Variants in TBC1D22A observed in about 807,000 individuals in gnomAD.
TBC1D22A encodes TBC1 domain family member 22A, also known as putative GTPase activator.
Under a neutral mutation model 60.2 loss-of-function variants are expected in TBC1D22A, and 38 were observed. The ratio of observed to expected loss-of-function variants is 0.63; its 90% CI spans 0.49 to 0.83. TBC1D22A has a LOEUF of 0.83. Ranked by LOEUF, TBC1D22A falls within the 40% of genes least tolerant of loss-of-function variation. TBC1D22A has a pLI of 0.00. For missense variants in TBC1D22A, 628 were observed against 701.0 expected (o/e 0.90, Z 1.18); for synonymous variants, 302 against 281.7 (o/e 1.07, Z -0.72).
intron 12 of TBC1D22A, among the ~76,000 whole-genome samples, chr22:47,167,715 G>GA (rs1283443753): frequency 3.3e-5 from 5 of 152,196 alleles, no homozygotes; most frequent in African/African-American, 7.2e-5. Context: ...TTGAATGGGG[G>GA]AGTGCATGCT....
At chr22:46,920,609 C>T (rs561955773) in intron 8 of TBC1D22A, among the ~76,000 whole-genome samples, 87 of 152,044 alleles carry the variant, frequency 5.7e-4, no homozygotes, top group Non-Finnish European at 1.0e-3. Context: ...GTGTCGCATG[C>T]GTGTGTCATG....
chr22:46,820,782 C>T (rs2085792484), intron 4 of TBC1D22A, among the ~76,000 whole-genome samples: 1 of 152,188 alleles, frequency 6.6e-6, no homozygotes. Context: ...CCTGAATGTC[C>T]TTGTTAATTT....
At chr22:47,159,321 A>T (rs1240957252) in intron 12 of TBC1D22A, among the ~76,000 whole-genome samples, 1 of 79,638 alleles carries the variant, frequency 1.3e-5, no homozygotes, top group Non-Finnish European at 2.6e-5. Flanking sequence ...ATACATACAC[A>T]CACATGTATA....
At chr22:46,993,754 C>G (rs1040416288) in intron 9 of TBC1D22A, among the ~76,000 whole-genome samples, 2 of 152,298 alleles carry the variant, frequency 1.3e-5, no homozygotes, top group East Asian at 1.9e-4. Flanking sequence ...ATGGGACATT[C>G]TTTTCTCCCT....
intron 3 of TBC1D22A, among the ~76,000 whole-genome samples, chr22:46,796,596 T>C (rs971209011): frequency 1.5e-4 from 23 of 152,074 alleles, no homozygotes; most frequent in Non-Finnish European, 3.2e-4. Flanking sequence ...CAGTGTTGAG[T>C]GATCTGAGGG....
intron 10 of TBC1D22A, among the ~76,000 whole-genome samples, chr22:47,030,721 A>G (rs988658139): frequency 2.6e-5 from 4 of 152,262 alleles, no homozygotes; most frequent in Admixed American, 1.3e-4. Context: ...ATTATTGCCA[A>G]CCAAATTACC....
intron 4 of TBC1D22A, among the ~76,000 whole-genome samples, chr22:46,875,753 G>A (rs2067529707): frequency 6.6e-6 from 1 of 152,084 alleles, no homozygotes; most frequent in Non-Finnish European, 1.5e-5. Context: ...ACCTGGCCTA[G>A]CAATATGCTT....
At chr22:46,956,476 CA>C (rs1329920444) in intron 8 of TBC1D22A, among the ~76,000 whole-genome samples, 2 of 152,166 alleles carry the variant, frequency 1.3e-5, no homozygotes, top group African/African-American at 2.4e-5. Flanking sequence ...AAATTACTTA[CA>C]AGTATCATGT....
chr22:47,056,867 C>T (rs1011409725), intron 11 of TBC1D22A, among the ~76,000 whole-genome samples: 13 of 152,304 alleles, frequency 8.5e-5, no homozygotes, highest in African/African-American at 3.1e-4. Context: ...GCTGCAGGGA[C>T]AGACACAGAA....
chr22:46,912,160 C>A lies in TBC1D22A; in HGVS notation c.987C>A (p.Phe329Leu), dbSNP rs759803136. 6.2e-7 allele frequency: 1 copy of A among 1,613,680 alleles called. No individual in the cohort carries two copies. Among genetic ancestry groups the A allele is most frequent in the Non-Finnish European group, 8.5e-7 (1 of 1,179,846 alleles). ...GTATAAATGATCTCGTCACTCCTTTCTTTGTGGTCTTCATTTGTGAATACA... is the reference window on the plus strand; with the variant it reads ...GTATAAATGATCTCGTCACTCCTTTATTTGTGGTCTTCATTTGTGAATACA... ...VQGINDLVTP[F>L]FVVFICEYIE... Residue 329 changes from phenylalanine to leucine, a missense_variant, in exon 8 of 13, where the codon TTC (phenylalanine) becomes TTA (leucine). Phe to Leu is a conservative substitution (Grantham distance 22, BLOSUM62 0). Coordinates refer to ENST00000337137, the MANE Select transcript of TBC1D22A (RefSeq NM_014346.5).
rs142211618 is a variant in TBC1D22A at position 46,891,290 on chromosome 22, C to T, written c.733C>T (p.Arg245Trp). The change falls in exon 6 of 13, where the codon CGG becomes TGG. Residue 245 changes from arginine (R) to tryptophan (W), a missense_variant. Coordinates refer to ENST00000337137, the MANE Select transcript of TBC1D22A (RefSeq NM_014346.5). ...GGGTTACCTTCCCGCCAATGTAGACCGGAGACCAGCCACTCTCCAGAGAAA... is the reference window on the plus strand; with the variant it reads ...GGGTTACCTTCCCGCCAATGTAGACTGGAGACCAGCCACTCTCCAGAGAAA... Reference protein sequence around the residue: ...LSGYLPANVDRRPATLQRKQK... With the variant: ...LSGYLPANVDWRPATLQRKQK... The T allele has an allele frequency of 6.0e-5, 97 of 1,611,502 alleles. No individual in the cohort carries two copies. In the East Asian group the frequency reaches 1.0e-3, roughly 17 times the overall value.
intron 1 of TBC1D22A, chr22:46,788,832 A>T (rs563104814): frequency 1.1e-4 from 17 of 152,276 alleles, no homozygotes; most frequent in African/African-American, 4.1e-4. Context: ...AGTCATAACA[A>T]ACCCTTCAAG....
In TBC1D22A at chr22:47,146,698, C is replaced by T. The variant is rs573478945; in HGVS notation, c.1426-26800C>T. On this transcript the variant is annotated intron_variant, in intron 12 of 12. Transcript: ENST00000337137. ...TCTTCCTGATATGTGGTCCATGACTCGGTGGCCCTTTCTTGATGGGGCGGT... is the reference window on the plus strand; with the variant it reads ...TCTTCCTGATATGTGGTCCATGACTTGGTGGCCCTTTCTTGATGGGGCGGT... Among the ~76,000 whole-genome samples, 5 of 152,312 alleles carry T rather than the reference C, an allele frequency of 3.3e-5. 1 individual carries two copies. In the South Asian group the frequency reaches 8.3e-4, roughly 25 times the overall value.
intron 8 of TBC1D22A, among the ~76,000 whole-genome samples, chr22:46,940,161 T>A (rs986544940): frequency 2.0e-5 from 3 of 152,208 alleles, no homozygotes; most frequent in Non-Finnish European, 4.4e-5. Flanking sequence ...ATACCATAAT[T>A]TAAAATGCTT....
chr22:46,944,484 C>T lies in TBC1D22A; in HGVS notation c.1016-29806C>T, dbSNP rs113568564. Among the ~76,000 whole-genome samples, 649 of 152,244 alleles carry T rather than the reference C, an allele frequency of 4.3e-3. 3 individuals are homozygous for T. The highest frequency in any genetic ancestry group is 8.2e-3 in the Non-Finnish European group (555 of 68,012). ...CGCAATCTTGGCTCACTGCAATCTC[C>T]GCCTCCCAGGTTCACGCCATTCTCC... On this transcript the variant is annotated intron_variant, in intron 8 of 12. Coordinates refer to ENST00000337137, the MANE Select transcript of TBC1D22A (RefSeq NM_014346.5).
In TBC1D22A at chr22:46,874,562, C is replaced by CTTT. The variant is rs747481407; in HGVS notation, c.638-4063_638-4061dup. ...TATGTTTGTTTGGCTACAGGTATGT[C>CTTT]TTTTTTTTTTTTTTTTTTTTTTTTT... On this transcript the variant is annotated intron_variant, in intron 4 of 12. Transcript: ENST00000337137. 3.5e-3 allele frequency among the ~76,000 whole-genome samples: 142 copies of CTTT among 40,788 alleles called. 22 individuals carry two copies. Among genetic ancestry groups the CTTT allele is most frequent in the Non-Finnish European group, 4.6e-3 (111 of 23,978 alleles). The allele number at this position is 40,788 out of a possible 152,430, so 26.8% of individuals were successfully genotyped here. A position where few individuals can be genotyped will look rare whatever the true frequency, so the allele number is the denominator to read the frequency against.
At chr22:47,024,654 A>C (rs1011312804) in intron 10 of TBC1D22A, among the ~76,000 whole-genome samples, 8 of 152,078 alleles carry the variant, frequency 5.3e-5, no homozygotes, top group African/African-American at 1.9e-4. Flanking sequence ...GGGAGTTTGG[A>C]ACCAGCCTGG....
At chr22:46,836,787 G>T (rs1232125438) in intron 4 of TBC1D22A, among the ~76,000 whole-genome samples, 1 of 152,124 alleles carries the variant, frequency 6.6e-6, no homozygotes, top group Non-Finnish European at 1.5e-5. Flanking sequence ...GATAGAAAAA[G>T]ATATCCCACA....
At chr22:47,019,938 C>T (rs2062028754) in intron 10 of TBC1D22A, among the ~76,000 whole-genome samples, 1 of 150,780 alleles carries the variant, frequency 6.6e-6, no homozygotes, top group Non-Finnish European at 1.5e-5. Context: ...AACCCTCCAT[C>T]ATGCCCTCTC....
Sources: gnomAD v4.1 joint callset for allele counts (sites outside exome capture counted in the v4.1 genomes callset) on GRCh38, gnomAD v4.1.1 for gene constraint, MANE v1.5 for transcripts, NCBI Gene and HGNC (gene_info 2026-07-23, HGNC 2026-07-21) for gene names.